TNR: variants seen among roughly 807,000 people sequenced by gnomAD.
The protein encoded by TNR is tenascin R.
A neutral mutation model predicts 150.4 loss-of-function variants in TNR; 45 were observed. The observed-to-expected ratio is 0.30, with a 90% confidence interval of 0.24 to 0.38. The LOEUF is 0.38. Ranked by LOEUF, TNR falls within the 10% of genes least tolerant of loss-of-function variation. TNR has a pLI of 1.00. For synonymous variants in TNR, 687 were observed against 678.4 expected (o/e 1.01, Z -0.20); for missense variants, 1,544 against 1,759.1 (o/e 0.88, Z 2.19).
rs1290709329 is a variant in TNR, at chr1:175,337,819, TGG to T, written c.3383-142_3383-141del. The T allele has an allele frequency of 7.4e-6, 7 of 948,016 alleles. No homozygotes were observed. The East Asian group carries it at 1.8e-4, about 25-fold the overall frequency. The allele number at this position is 948,016 out of a possible 1,614,324, so 58.7% of individuals were successfully genotyped here. A position where few individuals can be genotyped will look rare whatever the true frequency, so the allele number is the denominator to read the frequency against. On this transcript the variant is annotated intron_variant, in intron 18 of 22. Transcript: ENST00000367674. ...GAAATCCTCAACGGAGCTCAAGGTG[TGG>T]GTGTGGGGACTTGGCATCATCTTGG...
chr1:175,687,611 G>C (rs1308036202), intron 1 of TNR, among the ~76,000 whole-genome samples: 1 of 152,026 alleles, frequency 6.6e-6, no homozygotes, highest in East Asian at 1.9e-4. Flanking sequence ...AAATGAAGAA[G>C]AGAGGTGGTA....
intron 1 of TNR, among the ~76,000 whole-genome samples, chr1:175,734,618 G>A (rs979713685): frequency 2.0e-5 from 3 of 152,220 alleles, no homozygotes; most frequent in African/African-American, 7.2e-5. Context: ...AGCTTCCAAG[G>A]TAGATGAAAA....
intron 2 of TNR, among the ~76,000 whole-genome samples, chr1:175,426,889 A>T (rs1221707244): frequency 1.9e-5 from 1 of 53,948 alleles, no homozygotes; most frequent in African/African-American, 1.0e-4. Flanking sequence ...ATAAAATATA[A>T]ATATATATAA....
chr1:175,537,727 T>G (rs1375965906), intron 1 of TNR, among the ~76,000 whole-genome samples: 2 of 152,172 alleles, frequency 1.3e-5, no homozygotes, highest in African/African-American at 4.8e-5. Context: ...TGTATCCCCA[T>G]CAGTCAACCT....
chr1:175,610,384 C>T (rs1212956175), intron 1 of TNR, among the ~76,000 whole-genome samples: 1 of 152,234 alleles, frequency 6.6e-6, no homozygotes, highest in East Asian at 1.9e-4. Flanking sequence ...AATTCCCATG[C>T]ATTGCTTCAT....
At chr1:175,466,917 G>A (rs1328297883) in intron 2 of TNR, among the ~76,000 whole-genome samples, 1 of 152,030 alleles carries the variant, frequency 6.6e-6, no homozygotes, top group Non-Finnish European at 1.5e-5. Flanking sequence ...AGACAGTCCC[G>A]AACTTCCCTG....
At chr1:175,659,948 C>G (rs1355032548) in intron 1 of TNR, among the ~76,000 whole-genome samples, 2 of 137,846 alleles carry the variant, frequency 1.5e-5, no homozygotes, top group African/African-American at 5.5e-5. Flanking sequence ...TTTTCTTTCG[C>G]CAGTTTTTTT....
At chr1:175,399,378 C>T (rs913345387) in intron 4 of TNR, among the ~76,000 whole-genome samples, 1 of 152,144 alleles carries the variant, frequency 6.6e-6, no homozygotes, top group South Asian at 2.1e-4. Context: ...CTAAGAAGAG[C>T]ATTTTGGGAT....
chr1:175,503,560 A>G (rs1378640374), intron 2 of TNR, among the ~76,000 whole-genome samples: 1 of 152,122 alleles, frequency 6.6e-6, no homozygotes, highest in African/African-American at 2.4e-5. Context: ...TACAAATGAG[A>G]AGCTGCACGA....
At chr1:175,566,230 T>C (rs1390228605) in intron 1 of TNR, among the ~76,000 whole-genome samples, 2 of 152,262 alleles carry the variant, frequency 1.3e-5, no homozygotes, top group Non-Finnish European at 2.9e-5. Flanking sequence ...TTTTTATTCT[T>C]TTCCCCTGGC....
intron 1 of TNR, among the ~76,000 whole-genome samples, chr1:175,614,586 A>G (rs1663708337): frequency 6.6e-6 from 1 of 152,148 alleles, no homozygotes; most frequent in Non-Finnish European, 1.5e-5. Context: ...ACATATCATC[A>G]TCATCTCAAA....
chr1:175,551,692 TA>T (rs1295552915), intron 1 of TNR, among the ~76,000 whole-genome samples: 1 of 152,208 alleles, frequency 6.6e-6, no homozygotes, highest in East Asian at 1.9e-4. Context: ...GATTAAAAAT[TA>T]AACTCCAGGA....
Position 175,474,394 on chromosome 1 carries a change from T to C in TNR, c.-64+53875A>G, listed in dbSNP as rs774715574. Among the ~76,000 whole-genome samples, 69 of 152,262 alleles carry C rather than the reference T, an allele frequency of 4.5e-4. 1 individual carries two copies. The highest frequency in any genetic ancestry group is 1.0e-3 in the Admixed American group (16 of 15,294). On this transcript the variant is annotated intron_variant, in intron 2 of 22. Coordinates refer to ENST00000367674, the MANE Select transcript of TNR (RefSeq NM_003285.3). The stretch of plus-strand genomic sequence containing the variant: ...GTGCATGTGCACAGTGAGCCAGCCA[T>C]GTGAAGAGACCACAAACCAAGCAGA...
chr1:175,535,142 CT>C (rs1217658533), intron 1 of TNR, among the ~76,000 whole-genome samples: 2 of 152,138 alleles, frequency 1.3e-5, no homozygotes, highest in African/African-American at 2.4e-5. Context: ...GGCAGAAGCC[CT>C]TTTCCAGAAA....
intron 10 of TNR, among the ~76,000 whole-genome samples, chr1:175,366,926 C>T (rs951115181): frequency 2.6e-5 from 4 of 152,178 alleles, no homozygotes; most frequent in African/African-American, 9.7e-5. Flanking sequence ...TGGCATCAAC[C>T]TATTTAGGAT....
intron 2 of TNR, among the ~76,000 whole-genome samples, chr1:175,435,815 T>A (rs1451830051): frequency 1.3e-5 from 2 of 152,240 alleles, no homozygotes; most frequent in East Asian, 3.8e-4. Context: ...CTTTAGGAGC[T>A]CTTTTAGGGC....
At chr1:175,682,487 T>A (rs906637730) in intron 1 of TNR, among the ~76,000 whole-genome samples, 2 of 152,178 alleles carry the variant, frequency 1.3e-5, no homozygotes, top group African/African-American at 2.4e-5. Context: ...GAGTGTGGAT[T>A]TTTTTTCATT....
chr1:175,553,666 G>T (rs913745177), intron 1 of TNR, among the ~76,000 whole-genome samples: 3 of 152,084 alleles, frequency 2.0e-5, no homozygotes, highest in South Asian at 2.1e-4. Flanking sequence ...CAGAAAGAAA[G>T]AAAAATACAA....
intron 1 of TNR, among the ~76,000 whole-genome samples, chr1:175,645,773 C>T (rs1176708312): frequency 6.6e-6 from 1 of 152,172 alleles, no homozygotes; most frequent in African/African-American, 2.4e-5. Flanking sequence ...TTGTCATATA[C>T]CTTGATCTAA....
Sources: gnomAD v4.1 joint callset for allele counts (sites outside exome capture counted in the v4.1 genomes callset) on GRCh38, gnomAD v4.1.1 for gene constraint, MANE v1.5 for transcripts, NCBI Gene and HGNC (gene_info 2026-07-23, HGNC 2026-07-21) for gene names.